The following PDS5B variants were observed in gnomAD, a reference collection of about 807,000 sequenced individuals.
PDS5B encodes the protein PDS5 cohesin associated factor B.
In PDS5B, 51 loss-of-function variants were observed where a neutral mutation model predicts 184.1. That is an observed-to-expected ratio of 0.28 (90% CI 0.22 to 0.35). PDS5B has a LOEUF of 0.35. Among genes scored for constraint, PDS5B ranks in the 10% least tolerant of loss-of-function variants. The pLI is 1.00. For synonymous variants in PDS5B, 566 were observed against 569.2 expected, an observed-to-expected ratio of 0.99 and a Z score of 0.08; for missense variants, 1,180 against 1,723.3, an observed-to-expected ratio of 0.68 and a Z score of 5.58.
At position 32,770,695 on chromosome 13, in the gene PDS5B, C is replaced by G. The variant is rs747193314; in HGVS notation, c.4106C>G (p.Ser1369Cys). 8.7e-6 allele frequency: 14 copies of G among 1,611,378 alleles called. No individual in the cohort carries two copies. The highest frequency in any genetic ancestry group is 1.1e-5 in the Non-Finnish European group (13 of 1,178,784). ...TCTAGTGCAATTGAATCCACACAGTCCACACCACAGAAAGGACGAGGAAGA... is the reference window on the plus strand; with the variant it reads ...TCTAGTGCAATTGAATCCACACAGTGCACACCACAGAAAGGACGAGGAAGA... ...PESSAIESTQ[S>C]TPQKGRGRPS... Residue 1369 changes from serine (S) to cysteine (C), a missense_variant, in exon 33 of 35, where the codon TCC becomes TGC. By Grantham distance (112) the Ser-to-Cys change is moderately radical (BLOSUM62 -1). Transcript: ENST00000315596.
intron 19 of PDS5B, among the ~76,000 whole-genome samples, chr13:32,722,763 G>C (rs1452313829): frequency 5.3e-5 from 8 of 152,208 alleles, no homozygotes; most frequent in Admixed American, 4.6e-4. Context: ...GAGCTGGTGG[G>C]ATAATTGGGA....
chr13:32,664,238 CTG>C (rs1357494468), intron 6 of PDS5B, among the ~76,000 whole-genome samples: 1 of 152,084 alleles, frequency 6.6e-6, no homozygotes, highest in Non-Finnish European at 1.5e-5. Context: ...TTGGAAGAAA[CTG>C]AACTGAAATA....
In PDS5B at chr13:32,707,007, C is replaced by A; in HGVS notation, c.1930C>A (p.Gln644Lys). ...DDEDEGVPTD[Q>K]AIRAGLELLK... ...TGAAGATGAGGGTGTTCCAACTGATCAAGCCATCAGAGCAGGTCTTGAACT... is the reference window on the plus strand; with the variant it reads ...TGAAGATGAGGGTGTTCCAACTGATAAAGCCATCAGAGCAGGTCTTGAACT... Residue 644 changes from glutamine (Q) to lysine (K), a missense_variant, in exon 18 of 35, where the codon CAA (glutamine) becomes AAA (lysine). Transcript: ENST00000315596. 1 of 1,609,566 alleles carries A rather than the reference C, an allele frequency of 6.2e-7. No homozygotes were observed. Among genetic ancestry groups the A allele is most frequent in the Non-Finnish European group, 8.5e-7 (1 of 1,177,634 alleles).
At chr13:32,734,666 G>T (rs989963966) in intron 20 of PDS5B, among the ~76,000 whole-genome samples, 13 of 152,276 alleles carry the variant, frequency 8.5e-5, no homozygotes, top group Middle Eastern at 3.4e-3. Flanking sequence ...AGTGAGTAGA[G>T]CCTGTGGAGA....
In PDS5B at chr13:32,759,634, A is replaced by G; in HGVS notation, c.3316A>G (p.Ser1106Gly). The G allele has an allele frequency of 1.3e-6, 2 of 1,542,096 alleles. No homozygotes were observed. Among genetic ancestry groups the G allele is most frequent in the Non-Finnish European group, 1.8e-6 (2 of 1,123,762 alleles). ...CTTTTTCTCTTGGTTGTAGAATTTC[A>G]GTAACACCAAAAATTATCTGCCTCC... ...RFFTQPDKNF[S>G]NTKNYLPPEM... The change falls in exon 29 of 35, where the codon AGT becomes GGT. Residue 1106 changes from serine (S) to glycine (G), a missense_variant. By Grantham distance (56) the Ser-to-Gly change is moderately conservative. Transcript: ENST00000315596.
At chr13:32,597,248 G>C (rs967631991) in intron 1 of PDS5B, among the ~76,000 whole-genome samples, 4 of 148,162 alleles carry the variant, frequency 2.7e-5, no homozygotes, top group Admixed American at 2.0e-4. Flanking sequence ...TCGCCATGTT[G>C]CCCAGGCTGG....
At chr13:32,705,621 A>G (rs1167306047) in intron 17 of PDS5B, among the ~76,000 whole-genome samples, 1 of 152,188 alleles carries the variant, frequency 6.6e-6, no homozygotes, top group Non-Finnish European at 1.5e-5. Flanking sequence ...TATAAAAAGG[A>G]CAAATACATA....
chr13:32,629,010 A>C (rs138900653), intron 1 of PDS5B, among the ~76,000 whole-genome samples: 28 of 152,318 alleles, frequency 1.8e-4, no homozygotes, highest in African/African-American at 6.0e-4. Context: ...ATTAACACAA[A>C]TCTTTTCAGA....
intron 1 of PDS5B, among the ~76,000 whole-genome samples, chr13:32,598,316 A>T (rs1333939341): frequency 6.6e-6 from 1 of 151,896 alleles, no homozygotes; most frequent in Non-Finnish European, 1.5e-5. Context: ...CTTGTGATCC[A>T]CCTGCCTTGG....
chr13:32,679,007 AC>A (rs1399021607), intron 10 of PDS5B, 78 bp downstream of exon 10: 7 of 611,402 alleles, frequency 1.1e-5, no homozygotes, highest in Non-Finnish European at 1.7e-5. Flanking sequence ...GGGAAAAAAA[AC>A]CCCTTTTTTC....
rs2141053363 is a variant in PDS5B at position 32,775,913 on chromosome 13, A to C, written c.*861A>C. On this transcript the variant is annotated 3_prime_UTR_variant, in exon 35 of 35. Coordinates refer to ENST00000315596, the MANE Select transcript of PDS5B (RefSeq NM_015032.4). ...AATTCTGTAATTTGAATGAGTTTTT[A>C]ATAGTCTAGAATGTTATTGTGTATA... 1 of 277,234 alleles carries C rather than the reference A, an allele frequency of 3.6e-6. No individual in the cohort carries two copies. Among genetic ancestry groups the C allele is most frequent in the African/African-American group, 2.3e-5 (1 of 44,326 alleles). The allele number at this position is 277,234 out of a possible 1,614,324, so 17.2% of individuals were successfully genotyped here.
chr13:32,717,831 G>T (rs937421784), intron 19 of PDS5B, among the ~76,000 whole-genome samples: 8 of 148,554 alleles, frequency 5.4e-5, no homozygotes, highest in Non-Finnish European at 1.2e-4. Context: ...AGAAAAGAAA[G>T]CACTCATTTT....
At chr13:32,647,536 TC>T (rs1950258298) in intron 1 of PDS5B, among the ~76,000 whole-genome samples, 1 of 152,228 alleles carries the variant, frequency 6.6e-6, no homozygotes, top group Non-Finnish European at 1.5e-5. Flanking sequence ...TGCCTTGGCC[TC>T]CCAAATGTGC....
chr13:32,637,257 A>G (rs937885248), intron 1 of PDS5B, among the ~76,000 whole-genome samples: 2 of 82,198 alleles, frequency 2.4e-5, no homozygotes, highest in African/African-American at 1.1e-4. Context: ...AAATGATTTC[A>G]TTTACATTTT....
chr13:32,602,106 A>T (rs1012300365), intron 1 of PDS5B, among the ~76,000 whole-genome samples: 1 of 152,002 alleles, frequency 6.6e-6, no homozygotes, highest in South Asian at 2.1e-4. Flanking sequence ...TTTTTTTAAA[A>T]TTATACTTTA....
intron 1 of PDS5B, among the ~76,000 whole-genome samples, chr13:32,586,895 C>G (rs1388198289): frequency 1.4e-5 from 2 of 140,008 alleles, no homozygotes; most frequent in Non-Finnish European, 3.1e-5. Context: ...GAAAATTAAA[C>G]TTGCCGCTCT....
chr13:32,758,491 T>C (rs1429826118), intron 27 of PDS5B, 43 bp from the exon 28 acceptor site: 2 of 1,574,760 alleles, frequency 1.3e-6, no homozygotes, highest in Non-Finnish European at 1.7e-6. Context: ...GAGTCTAGAT[T>C]GCCAGCTTAA....
chr13:32,698,759 CTTT>C (rs879868019), intron 15 of PDS5B, among the ~76,000 whole-genome samples: 1 of 143,734 alleles, frequency 7.0e-6, no homozygotes. Flanking sequence ...AGAGTTCTCT[CTTT>C]TTTTTTTTTT....
At chr13:32,622,212 T>C (rs1036755612) in intron 1 of PDS5B, among the ~76,000 whole-genome samples, 9 of 152,164 alleles carry the variant, frequency 5.9e-5, no homozygotes, top group African/African-American at 2.2e-4. Flanking sequence ...TAAACTTTCT[T>C]CTTTTCAGTA....
Sources: gnomAD v4.1 joint callset for allele counts (sites outside exome capture counted in the v4.1 genomes callset) on GRCh38, gnomAD v4.1.1 for gene constraint, MANE v1.5 for transcripts, NCBI Gene and HGNC (gene_info 2026-07-23, HGNC 2026-07-21) for gene names.